The following WDR27 variants were observed in gnomAD, a reference collection of about 807,000 sequenced individuals.
WDR27 encodes the protein WD repeat-containing protein 27.
WDR27 carries 100 observed loss-of-function variants against 114.4 expected under a neutral mutation model. The observed-to-expected ratio is 0.87, with a 90% CI of 0.74 to 1.03. The LOEUF (loss-of-function observed/expected upper bound fraction) is 1.03, where lower values mean the gene tolerates loss of function less well. WDR27 is among the 50% of genes least tolerant of loss of function. The pLI is 0.00. For synonymous variants in WDR27, 449 were observed against 423.1 expected (o/e 1.06, Z -0.75); for missense variants, 1,129 against 1,092.9 (o/e 1.03, Z -0.47).
chr6:169,432,985 T>C, the WDR27 span, among the ~76,000 whole-genome samples: 1 of 152,196 alleles, frequency 6.6e-6, no homozygotes, highest in African/African-American at 2.4e-5. Flanking sequence ...GATAATGACA[T>C]GGATAATAAA....
chr6:169,561,609 A>C (rs1373876592), intron 25 of WDR27, among the ~76,000 whole-genome samples: 1 of 152,112 alleles, frequency 6.6e-6, no homozygotes, highest in Non-Finnish European at 1.5e-5. Context: ...ATGGAAATAC[A>C]AAAAATATCT....
rs531637411 is a variant in WDR27, at chr6:169,468,941, A to G, written c.2646-11307T>C. ...TGGCCTTCCCTTGGCACATGTGGAG[A>G]GAAACATCTCTCTTTCTTCTTCTTT... On this transcript the variant is annotated intron_variant, in intron 25 of 25. Coordinates refer to ENST00000448612, the MANE Select transcript of WDR27 (RefSeq NM_182552.5). Among the ~76,000 whole-genome samples, 11 of 152,172 alleles carry G rather than the reference A, an allele frequency of 7.2e-5. 1 individual carries two copies. The Middle Eastern group carries it at 0.014, about 188-fold the overall frequency.
At chr6:169,701,356 CCACG>C (rs1562969996) in intron 1 of WDR27, among the ~76,000 whole-genome samples, 191 bp downstream of exon 1, 2 of 152,034 alleles carry the variant, frequency 1.3e-5, no homozygotes, top group Non-Finnish European at 2.9e-5. Context: ...CTGGTAGTTA[CCACG>C]CAGGTTGAAA....
At chr6:169,433,683 T>C in the WDR27 span, among the ~76,000 whole-genome samples, 1 of 152,224 alleles carries the variant, frequency 6.6e-6, no homozygotes, top group African/African-American at 2.4e-5. Flanking sequence ...TCCACAATGG[T>C]TGAACTAATT....
intron 25 of WDR27, among the ~76,000 whole-genome samples, chr6:169,509,195 C>T (rs1482595165): frequency 6.6e-6 from 1 of 152,124 alleles, no homozygotes; most frequent in Non-Finnish European, 1.5e-5. Flanking sequence ...GTGAAAATGG[C>T]CACACTGCCC....
chr6:169,548,128 A>G (rs1470468988), intron 25 of WDR27, among the ~76,000 whole-genome samples: 1 of 152,198 alleles, frequency 6.6e-6, no homozygotes, highest in Non-Finnish European at 1.5e-5. Flanking sequence ...CTATCAAAAT[A>G]AGTACAAGGT....
chr6:169,672,319 G>T lies in WDR27; in HGVS notation c.267C>A (p.Cys89Ter). ...FGNKVNPLLI[C>*]SASLDYVIMW... Reference sequence around the variant, plus strand: ...TTATAACATAATCCAGTGATGCTGAGCAGATTAGAAGTGGGTTCACTTTAT... The same window carrying T: ...TTATAACATAATCCAGTGATGCTGATCAGATTAGAAGTGGGTTCACTTTAT... Residue 89 changes from cysteine (C) to a stop codon, truncating the protein, a stop_gained, in exon 3 of 26, where the codon TGC becomes TGA. Transcript: ENST00000448612. LOFTEE classifies it high-confidence loss of function. The T allele has an allele frequency of 6.2e-7, 1 of 1,613,650 alleles. No homozygotes were observed. The highest frequency in any genetic ancestry group is 8.5e-7 in the Non-Finnish European group (1 of 1,179,682).
At chr6:169,466,179 G>A (rs537013599) in intron 25 of WDR27, among the ~76,000 whole-genome samples, 1 of 152,260 alleles carries the variant, frequency 6.6e-6, no homozygotes, top group African/African-American at 2.4e-5. Flanking sequence ...CCAATATATT[G>A]GTTAGGATAA....
At chr6:169,449,788 G>A in the WDR27 span, among the ~76,000 whole-genome samples, 1 of 152,174 alleles carries the variant, frequency 6.6e-6, no homozygotes, top group Non-Finnish European at 1.5e-5. Context: ...CGAATGCAGG[G>A]AACACAGTCA....
chr6:169,630,002 C>T (rs1197860590), intron 21 of WDR27, among the ~76,000 whole-genome samples: 1 of 150,870 alleles, frequency 6.6e-6, no homozygotes, highest in Non-Finnish European at 1.5e-5. Flanking sequence ...TTTATCTTCA[C>T]GACTGAAATT....
chr6:169,465,695 C>T (rs1045648164), intron 25 of WDR27, among the ~76,000 whole-genome samples: 8 of 152,126 alleles, frequency 5.3e-5, no homozygotes, highest in Admixed American at 5.2e-4. Flanking sequence ...CACACAATGG[C>T]AAATTATTCA....
chr6:169,431,790 G>C, the WDR27 span, among the ~76,000 whole-genome samples: 1 of 152,208 alleles, frequency 6.6e-6, no homozygotes, highest in Non-Finnish European at 1.5e-5. Flanking sequence ...CAAACAGTAT[G>C]AGGATCATTC....
chr6:169,465,375 C>T (rs1785444564), intron 25 of WDR27, among the ~76,000 whole-genome samples: 2 of 151,008 alleles, frequency 1.3e-5, no homozygotes, highest in South Asian at 2.1e-4. Flanking sequence ...TAGGACATGA[C>T]TATTAAAAAA....
At chr6:169,520,192 A>C (rs1554279212) in intron 25 of WDR27, among the ~76,000 whole-genome samples, 1 of 152,104 alleles carries the variant, frequency 6.6e-6, no homozygotes, top group Non-Finnish European at 1.5e-5. Context: ...GGTTTATTCC[A>C]TTACTCCCCA....
At chr6:169,618,015 G>C (rs1287077763) in intron 21 of WDR27, among the ~76,000 whole-genome samples, 4 of 152,162 alleles carry the variant, frequency 2.6e-5, no homozygotes, top group Admixed American at 2.0e-4. Flanking sequence ...CTGTATCATT[G>C]CTTCTGAATG....
chr6:169,468,464 G>C (rs1347127369), intron 25 of WDR27, among the ~76,000 whole-genome samples: 1 of 152,172 alleles, frequency 6.6e-6, no homozygotes, highest in African/African-American at 2.4e-5. Context: ...CTGAGAAAAA[G>C]GGGGAAATCC....
chr6:169,617,579 T>C (rs931268307), intron 21 of WDR27, among the ~76,000 whole-genome samples: 1 of 152,194 alleles, frequency 6.6e-6, no homozygotes, highest in Non-Finnish European at 1.5e-5. Flanking sequence ...TTTCACCATG[T>C]TGGCCAGTCT....
chr6:169,431,890 T>C, the WDR27 span, among the ~76,000 whole-genome samples: 7 of 152,356 alleles, frequency 4.6e-5, no homozygotes, highest in East Asian at 1.2e-3. Flanking sequence ...TCAACTGGTA[T>C]CTTAAGGTTC....
intron 2 of WDR27, among the ~76,000 whole-genome samples, chr6:169,674,137 A>G (rs1220999603): frequency 1.3e-5 from 2 of 152,210 alleles, no homozygotes; most frequent in Non-Finnish European, 2.9e-5. Context: ...CAAATCAGCT[A>G]TACTTTTTTT....
Sources: allele counts gnomAD v4.1 joint callset (sites outside exome capture counted in the v4.1 genomes callset), GRCh38; gene constraint gnomAD v4.1.1; transcripts MANE v1.5; gene names NCBI Gene and HGNC (gene_info 2026-07-23, HGNC 2026-07-21).